CACNA2D3: variants seen among roughly 807,000 people sequenced by gnomAD.
The protein encoded by CACNA2D3 is calcium voltage-gated channel auxiliary subunit alpha2delta 3.
CACNA2D3 carries 60 observed loss-of-function variants against 160.6 expected under a neutral mutation model. That is an observed-to-expected ratio of 0.37 (90% confidence interval 0.30 to 0.46). The LOEUF (loss-of-function observed/expected upper bound fraction) is 0.46. CACNA2D3 is among the 20% of genes least tolerant of loss of function. The probability of loss-of-function intolerance (pLI) is 1.00; values close to 1 mark genes in which losing one functional copy is unlikely to be tolerated. For missense variants in CACNA2D3, 1,205 were observed against 1,365.0 expected, an observed-to-expected ratio of 0.88 and a Z score of 1.85; for synonymous variants, 558 against 492.9, an observed-to-expected ratio of 1.13 and a Z score of -1.75.
At chr3:55,020,213 A>G (rs1218487544) in intron 35 of CACNA2D3, among the ~76,000 whole-genome samples, 3 of 150,654 alleles carry the variant, frequency 2.0e-5, no homozygotes, top group Non-Finnish European at 4.4e-5. Context: ...ATACTTCTAA[A>G]TTTTCTTGGT....
At chr3:54,222,481 G>A (rs1233601159) in intron 2 of CACNA2D3, among the ~76,000 whole-genome samples, 1 of 152,194 alleles carries the variant, frequency 6.6e-6, no homozygotes, top group East Asian at 1.9e-4. Flanking sequence ...GATTGGATGA[G>A]GCCTATGTAC....
chr3:54,293,664 G>A (rs547099455), intron 2 of CACNA2D3, among the ~76,000 whole-genome samples: 9 of 152,156 alleles, frequency 5.9e-5, no homozygotes, highest in Admixed American at 4.6e-4. Flanking sequence ...CAGATGAATC[G>A]CGAATGCATC....
intron 2 of CACNA2D3, among the ~76,000 whole-genome samples, chr3:54,202,029 T>C (rs944760856): frequency 6.6e-6 from 1 of 152,250 alleles, no homozygotes; most frequent in Admixed American, 6.5e-5. Flanking sequence ...CACATAATTT[T>C]GGATATAAAC....
At chr3:54,977,920 C>T (rs1006026375) in intron 29 of CACNA2D3, among the ~76,000 whole-genome samples, 8 of 152,112 alleles carry the variant, frequency 5.3e-5, no homozygotes, top group Admixed American at 2.0e-4. Flanking sequence ...CCATTTTTAT[C>T]GTTATTTCTT....
chr3:54,874,032 T>A (rs1174881299), intron 18 of CACNA2D3, among the ~76,000 whole-genome samples: 2 of 152,096 alleles, frequency 1.3e-5, no homozygotes, highest in African/African-American at 4.8e-5. Context: ...GAAGAAGCAG[T>A]AGAGTCTGCC....
intron 14 of CACNA2D3, among the ~76,000 whole-genome samples, chr3:54,825,833 AT>A (rs1703736757): frequency 1.3e-5 from 2 of 152,218 alleles, no homozygotes; most frequent in Admixed American, 6.5e-5. Flanking sequence ...TCTATATCAA[AT>A]CAATGTGAAA....
intron 2 of CACNA2D3, among the ~76,000 whole-genome samples, chr3:54,209,606 A>T (rs930158538): frequency 1.3e-5 from 2 of 152,340 alleles, no homozygotes; most frequent in East Asian, 1.9e-4. Context: ...TTTAACTCTG[A>T]TGGAAGAAAG....
intron 5 of CACNA2D3, among the ~76,000 whole-genome samples, chr3:54,515,063 A>G (rs943626363): frequency 2.0e-5 from 3 of 152,158 alleles, no homozygotes; most frequent in Non-Finnish European, 2.9e-5. Flanking sequence ...CCTGGGACCA[A>G]GAGATTCTGC....
At chr3:54,155,173 T>TATGGTTTA (rs1700224255) in intron 2 of CACNA2D3, among the ~76,000 whole-genome samples, 1 of 152,320 alleles carries the variant, frequency 6.6e-6, no homozygotes, top group South Asian at 2.1e-4. Context: ...TTTAGTGGTC[T>TATGGTTTA]ATGGTTTAGT....
intron 11 of CACNA2D3, among the ~76,000 whole-genome samples, chr3:54,672,229 C>T (rs963763836): frequency 2.0e-5 from 3 of 152,118 alleles, no homozygotes; most frequent in Non-Finnish European, 2.9e-5. Context: ...TTGGACCAAG[C>T]GGTGCTTTTA....
intron 11 of CACNA2D3, among the ~76,000 whole-genome samples, chr3:54,666,010 A>C (rs1411182963): frequency 2.0e-5 from 3 of 152,082 alleles, no homozygotes; most frequent in Non-Finnish European, 4.4e-5. Flanking sequence ...GCCCAGGCTG[A>C]GAATGAGTAT....
chr3:54,348,304 T>C (rs549674102), intron 3 of CACNA2D3, among the ~76,000 whole-genome samples: 1 of 152,350 alleles, frequency 6.6e-6, no homozygotes, highest in Non-Finnish European at 1.5e-5. Flanking sequence ...GGTGGAGTTA[T>C]TTTTGATTTC....
At chr3:55,012,258 T>C (rs1302536759) in intron 34 of CACNA2D3, among the ~76,000 whole-genome samples, 1 of 152,122 alleles carries the variant, frequency 6.6e-6, no homozygotes, top group Non-Finnish European at 1.5e-5. Context: ...CTTGTGCAAG[T>C]ACTCCATGCA....
At chr3:54,502,275 G>C (rs997279872) in intron 4 of CACNA2D3, among the ~76,000 whole-genome samples, 7 of 152,024 alleles carry the variant, frequency 4.6e-5, no homozygotes, top group African/African-American at 1.7e-4. Context: ...TACACGTTTT[G>C]TGATTATCTC....
At chr3:54,760,917 A>G (rs969877617) in intron 12 of CACNA2D3, among the ~76,000 whole-genome samples, 2 of 151,940 alleles carry the variant, frequency 1.3e-5, no homozygotes, top group African/African-American at 2.4e-5. Context: ...ATCCCTGTGG[A>G]GGTGTCGGGT....
chr3:54,671,233 T>G lies in CACNA2D3; in HGVS notation c.1167+28992T>G, dbSNP rs1025804814. ...GGGTCTCATTTCATTGGAGAAAAAT[T>G]TGGATCTCATTAAGTCAAAGAAACT... On this transcript the variant is annotated intron_variant, in intron 11 of 37. Coordinates refer to ENST00000474759, the MANE Select transcript of CACNA2D3 (RefSeq NM_018398.3). 2.0e-5 allele frequency among the ~76,000 whole-genome samples: 3 copies of G among 151,332 alleles called. No individual in the cohort carries two copies. In the Admixed American group the frequency reaches 2.0e-4, roughly 10 times the overall value.
At chr3:54,639,929 T>G (rs1423930980) in intron 10 of CACNA2D3, 1 of 152,464 alleles carries the variant, frequency 6.6e-6, no homozygotes, top group Non-Finnish European at 1.5e-5. Flanking sequence ...AAAGGGGGTT[T>G]GTTCTCTGGC....
chr3:54,787,981 C>T (rs979347188), intron 13 of CACNA2D3, among the ~76,000 whole-genome samples: 1 of 152,174 alleles, frequency 6.6e-6, no homozygotes, highest in African/African-American at 2.4e-5. Flanking sequence ...ATTCTGATCC[C>T]TGTCACTGTT....
intron 11 of CACNA2D3, among the ~76,000 whole-genome samples, chr3:54,687,563 AT>A (rs1313478785): frequency 6.6e-6 from 1 of 152,180 alleles, no homozygotes; most frequent in East Asian, 1.9e-4. Flanking sequence ...GGTGGTTGAT[AT>A]GCCCAAAAGT....
Sources: allele counts gnomAD v4.1 joint callset (sites outside exome capture counted in the v4.1 genomes callset), GRCh38; gene constraint gnomAD v4.1.1; transcripts MANE v1.5; gene names NCBI Gene and HGNC (gene_info 2026-07-23, HGNC 2026-07-21).